The following BBS2 variants were observed in gnomAD, a reference collection of about 807,000 sequenced individuals.
BBS2 encodes BBSome complex member BBS2.
Under a neutral mutation model 83.0 loss-of-function variants are expected in BBS2, and 62 were observed. The observed-to-expected ratio is 0.75, with a 90% CI of 0.61 to 0.92. The LOEUF is 0.92. Among genes scored for constraint, BBS2 ranks in the 40% least tolerant of loss-of-function variants. The pLI is 0.00. For missense variants in BBS2, 784 were observed against 901.0 expected, an observed-to-expected ratio of 0.87 and a Z score of 1.66; for synonymous variants, 303 against 326.1, an observed-to-expected ratio of 0.93 and a Z score of 0.76.
chr16:56,470,761 C>T (rs372564103), intron 17 of BBS2: 11 of 1,602,556 alleles, frequency 6.9e-6, no homozygotes, highest in African/African-American at 1.3e-5. Context: ...GCAGACAGAC[C>T]CAGAGCCAGA....
At position 56,519,573 on chromosome 16, in the gene BBS2, C is replaced by T. The variant is rs78372096; in HGVS notation, c.117+173G>A. ...CGTCAACTTCTCAGAAAAGCTCTTC[C>T]TCTAAGACCCCACTGTCCTCTGCAG... is the stretch of plus-strand genomic sequence containing the variant. On this transcript the variant is annotated intron_variant, in intron 1 of 16. Transcript: ENST00000245157. The T allele has an allele frequency of 1.8e-4, 111 of 603,180 alleles. 1 individual carries two copies. In the African/African-American group the frequency reaches 1.9e-3, roughly 10 times the overall value. The allele number at this position is 603,180 out of a possible 1,614,324, so 37.4% of individuals were successfully genotyped here. A position where few individuals can be genotyped will look rare whatever the true frequency, so the allele number is the denominator to read the frequency against.
intron 15 of BBS2, among the ~76,000 whole-genome samples, chr16:56,486,489 T>G (rs1422947381): frequency 1.3e-5 from 2 of 152,128 alleles, no homozygotes; most frequent in Non-Finnish European, 1.5e-5. Context: ...ATATCATATA[T>G]CCATACAATG....
At chr16:56,499,673 ACTG>A in intron 12 of BBS2, 102 bp downstream of exon 12, 1 of 1,487,424 alleles carries the variant, frequency 6.7e-7, no homozygotes, top group Non-Finnish European at 9.3e-7. Context: ...TATCATATTT[ACTG>A]CTACCAATAT....
intron 5 of BBS2, 160 bp downstream of exon 5, chr16:56,509,797 T>C (rs748571956): frequency 2.9e-4 from 189 of 653,536 alleles, no homozygotes; most frequent in Middle Eastern, 9.9e-4. Context: ...TTTATTGCTT[T>C]TCTTACCATA....
At chr16:56,496,531 C>G (rs1456762424) in intron 15 of BBS2, among the ~76,000 whole-genome samples, 1 of 152,188 alleles carries the variant, frequency 6.6e-6, no homozygotes, top group Non-Finnish European at 1.5e-5. Context: ...AGTCTGTCTT[C>G]TTTCAGTGTC....
At chr16:56,492,056 T>C (rs1353904162) in intron 15 of BBS2, among the ~76,000 whole-genome samples, 1 of 151,016 alleles carries the variant, frequency 6.6e-6, no homozygotes, top group African/African-American at 2.4e-5. Flanking sequence ...AATGATTAAA[T>C]ATTAAAAATT....
chr16:56,519,420 G>C (rs1301694618), intron 1 of BBS2: 1 of 261,180 alleles, frequency 3.8e-6, no homozygotes, highest in South Asian at 6.9e-5. Context: ...CCCCTGGCTT[G>C]AATCTGGGGT....
chr16:56,477,400 T>C (rs1226242159), intron 17 of BBS2: 3 of 152,240 alleles, frequency 2.0e-5, no homozygotes, highest in Admixed American at 2.0e-4. Flanking sequence ...GTAAAGAAGA[T>C]AGGCTGCTTA....
At chr16:56,517,525 G>A (rs138162985) in intron 1 of BBS2, among the ~76,000 whole-genome samples, 19 of 152,294 alleles carry the variant, frequency 1.2e-4, no homozygotes, top group African/African-American at 4.6e-4. Flanking sequence ...CTGACCACCT[G>A]TCTAAGACAC....
At position 56,519,350 on chromosome 16, in the gene BBS2, GGAA is replaced by G. The variant is rs1442113512; in HGVS notation, c.117+393_117+395del. ...CGTCTCAAAAAAAAAAAAAAAAAAA[GGAA>G]GAAGAAGCAGTGTTAGAGAGTCAGA... On this transcript the variant is annotated intron_variant, in intron 1 of 16. Transcript: ENST00000245157. Among the ~76,000 whole-genome samples the G allele has an allele frequency of 1.5e-4, 21 of 144,256 alleles. No homozygotes were observed. The South Asian group carries it at 3.8e-3, about 26-fold the overall frequency. The allele number at this position is 144,256 out of a possible 152,430, so 94.6% of individuals were successfully genotyped here.
At chr16:56,517,896 T>C (rs1382490614) in intron 1 of BBS2, among the ~76,000 whole-genome samples, 3 of 151,578 alleles carry the variant, frequency 2.0e-5, no homozygotes, top group Non-Finnish European at 4.4e-5. Flanking sequence ...CTCGGCTCCC[T>C]GCAACCTCCA....
At chr16:56,480,446 GTC>G (rs1207255742), downstream of BBS2, among the ~76,000 whole-genome samples, 7 of 150,096 alleles carry the variant, frequency 4.7e-5, no homozygotes, top group African/African-American at 1.5e-4. Context: ...TTGAGACGGA[GTC>G]TCTGTCACCC....
chr16:56,480,342 C>CAAAAAAAA, downstream of BBS2, among the ~76,000 whole-genome samples: 1 of 40,608 alleles, frequency 2.5e-5, no homozygotes, highest in African/African-American at 1.9e-4. Context: ...CCCCCTCACA[C>CAAAAAAAA]ACACACACAC....
rs145757541 is a variant in BBS2 at position 56,500,918 on chromosome 16, T to A, written c.1333A>T (p.Ile445Phe). 4 of 1,614,046 alleles carry A rather than the reference T, an allele frequency of 2.5e-6. No homozygotes were observed. The highest frequency in any genetic ancestry group is 3.4e-6 in the Non-Finnish European group (4 of 1,179,988). Residue 445 changes from isoleucine (I) to phenylalanine (F), a missense_variant, in exon 11 of 17, where the codon ATT (isoleucine) becomes TTT (phenylalanine). By Grantham distance (21) the Ile-to-Phe change is conservative. Transcript: ENST00000245157. Reference sequence around the variant, plus strand: ...ACAGGGACATCTTTGGGAGGCACAATAGGGATGCAGATGGAACTGGAGAGG... The same window carrying A: ...ACAGGGACATCTTTGGGAGGCACAAAAGGGATGCAGATGGAACTGGAGAGG... ...HNLSSSICIP[I>F]VPPKDVPVDL...
chr16:56,507,638 T>A (rs1235770008), intron 5 of BBS2, among the ~76,000 whole-genome samples: 1 of 151,894 alleles, frequency 6.6e-6, no homozygotes, highest in East Asian at 1.9e-4. Context: ...CTCCGGGCCC[T>A]CTCTTCAGAA....
intron 15 of BBS2, among the ~76,000 whole-genome samples, chr16:56,489,812 A>G (rs960452248): frequency 2.0e-5 from 3 of 151,712 alleles, no homozygotes; most frequent in African/African-American, 7.3e-5. Flanking sequence ...AAGAAAAAAA[A>G]AAAGTAGTAG....
chr16:56,500,714 G>T (rs1201498881), intron 11 of BBS2, 140 bp downstream of exon 11: 4 of 790,576 alleles, frequency 5.1e-6, no homozygotes, highest in Non-Finnish European at 8.2e-6. Flanking sequence ...GAAATAAAAG[G>T]TCATGAGAAA....
At chr16:56,473,221 C>T (rs1567555745) in intron 17 of BBS2, among the ~76,000 whole-genome samples, 1 of 152,130 alleles carries the variant, frequency 6.6e-6, no homozygotes, top group Non-Finnish European at 1.5e-5. Context: ...TGAGCCACCA[C>T]GCCTGGCCAC....
chr16:56,497,917 A>AGATG, intron 13 of BBS2, 37 bp from the exon 14 acceptor site: 1 of 1,600,044 alleles, frequency 6.2e-7, no homozygotes, highest in Non-Finnish European at 8.5e-7. Context: ...TAGCATCCTC[A>AGATG]GATGTTAGAC....
Sources: allele counts gnomAD v4.1 joint callset (sites outside exome capture counted in the v4.1 genomes callset), GRCh38; gene constraint gnomAD v4.1.1; transcripts MANE v1.5; gene names NCBI Gene and HGNC (gene_info 2026-07-23, HGNC 2026-07-21).